The following PIGP variants were observed in gnomAD, a reference collection of about 807,000 sequenced individuals.
The protein encoded by PIGP is phosphatidylinositol glycan anchor biosynthesis class P.
PIGP carries 12 observed loss-of-function variants against 16.9 expected under a neutral mutation model. The observed-to-expected ratio is 0.71, with a 90% CI of 0.46 to 1.15. The LOEUF (loss-of-function observed/expected upper bound fraction) is 1.15. Among genes scored for constraint, PIGP ranks in the 50% most tolerant of loss-of-function variants. The pLI, the probability that PIGP is intolerant of heterozygous loss-of-function variation, is 0.00. For synonymous variants in PIGP, 57 were observed against 54.7 expected (o/e 1.04, Z -0.18); for missense variants, 159 against 153.5 (o/e 1.04, Z -0.19).
rs11553684 is a variant in PIGP at position 37,065,618 on chromosome 21, G to A, written c.369C>T (p.Phe123=). The part of the protein sequence containing the change: ...DISISEVNQM[F]FLAAKELYTK... The stretch of plus-strand genomic sequence containing the variant: ...TGTAAAGTTCTTTGGCTGCAAGAAA[G>A]AACATTTGGTTTACTTCACTAATAG... The change falls in exon 5 of 5, where the codon TTC becomes TTT. Residue 123 remains phenylalanine, a synonymous_variant. Transcript: ENST00000360525. 2.0e-3 allele frequency: 3,187 copies of A among 1,613,284 alleles called. 50 individuals carry two copies. Among genetic ancestry groups the A allele is most frequent in the East Asian group, 0.014 (606 of 44,754 alleles).
At chr21:37,072,346 T>G in intron 2 of PIGP, 88 bp downstream of exon 2, 1 of 1,597,896 alleles carries the variant, frequency 6.3e-7, no homozygotes, top group Non-Finnish European at 8.5e-7. Context: ...AATCAACAGT[T>G]CATGTGTGCA....
Position 37,071,354 on chromosome 21 carries a change from G to A in PIGP, c.82+1080C>T, listed in dbSNP as rs202089433. On this transcript the variant is annotated intron_variant, in intron 2 of 4. Coordinates refer to ENST00000360525, the MANE Select transcript of PIGP (RefSeq NM_153682.3). ...CTTGAGCAAGTTACTGAAACCACAGGATGCTCATCTTTAAAGGACAGTAAT... is the reference window on the plus strand; with the variant it reads ...CTTGAGCAAGTTACTGAAACCACAGAATGCTCATCTTTAAAGGACAGTAAT... Among the ~76,000 whole-genome samples, 5 of 152,300 alleles carry A rather than the reference G, an allele frequency of 3.3e-5. No individual in the cohort carries two copies. In the East Asian group the frequency reaches 9.6e-4, roughly 29 times the overall value.
At chr21:37,072,817 G>C in intron 1 of PIGP, 183 bp downstream of exon 1, 1 of 532,786 alleles carries the variant, frequency 1.9e-6, no homozygotes, top group Non-Finnish European at 3.3e-6. Context: ...TGGGAGGGGA[G>C]GGCAGGGAAC....
rs542976547 is a variant in PIGP at position 37,067,135 on chromosome 21, T to C, written c.274+127A>G. On this transcript the variant is annotated intron_variant, in intron 4 of 4. Transcript: ENST00000360525. ...GATTCTCCTGCCTCAGCCTCCCAAG[T>C]AGCTGGGATTACAGACGCGCACCAC... is the stretch of plus-strand genomic sequence containing the variant. 52 of 639,584 alleles carry C rather than the reference T, an allele frequency of 8.1e-5. 2 individuals carry two copies. The South Asian group carries it at 8.4e-4, about 10-fold the overall frequency. 39.6% of individuals were successfully genotyped at this position (639,584 alleles called of 1,614,324 possible). A position where few individuals can be genotyped will look rare whatever the true frequency, so the allele number is the denominator to read the frequency against.
At chr21:37,072,647 T>TCCCGCGCCTCCGTCCGCAA (rs1173945281) in intron 1 of PIGP, 110 bp from the exon 2 acceptor site, 26 of 1,572,700 alleles carry the variant, frequency 1.7e-5, no homozygotes, top group Admixed American at 3.4e-5. Flanking sequence ...CAGAACCGCC[T>TCCCGCGCCTCCGTCCGCAA]CCCGCGCCTC....
chr21:37,067,352 G>A lies in PIGP; in HGVS notation c.184C>T (p.Leu62Phe), dbSNP rs2069924027. ...KYWAVALPVY[L>F]LIAIVIGYVL... ...TAGCCAATTACTATAGCAATAAGGA[G>A]GTAGACAGGTAATGCAACTGCCCAA... is the stretch of plus-strand genomic sequence containing the variant. The change falls in exon 4 of 5, where the codon CTC becomes TTC. Residue 62 changes from leucine (L) to phenylalanine (F), a missense_variant. Coordinates refer to ENST00000360525, the MANE Select transcript of PIGP (RefSeq NM_153682.3). The A allele has an allele frequency of 1.2e-6, 2 of 1,607,188 alleles. No individual in the cohort carries two copies. The highest frequency in any genetic ancestry group is 3.3e-5 in the Admixed American group (2 of 59,986).
rs76681829 is a variant in PIGP, at chr21:37,065,749, C to G, written c.275-37G>C. ...GACCAAAAAGCTCTGTTTACCTAAG[C>G]AATTTCTTCTACAGTCTCTGTGTCT... On this transcript the variant is annotated intron_variant, in intron 4 of 4. Coordinates refer to ENST00000360525, the MANE Select transcript of PIGP (RefSeq NM_153682.3). 148 of 1,600,268 alleles carry G rather than the reference C, an allele frequency of 9.2e-5. 1 individual carries two copies. The East Asian group carries it at 3.3e-3, about 35-fold the overall frequency.
In PIGP at chr21:37,065,696, AT is replaced by A. The variant is rs759209452; in HGVS notation, c.290del (p.Asn97IlefsTer15). 2 of 1,612,912 alleles carry A rather than the reference AT, an allele frequency of 1.2e-6. No homozygotes were observed. The highest frequency in any genetic ancestry group is 3.3e-5 in the Admixed American group (2 of 59,828). On this transcript the variant is annotated frameshift_variant, in exon 5 of 5. Coordinates refer to ENST00000360525, the MANE Select transcript of PIGP (RefSeq NM_153682.3). LOFTEE classifies it high-confidence loss of function. The part of the protein sequence containing the change: ...IHTITDNYAK[N>X]QQQKKYQEEA... ...CCTCTTGGTATTTCTTCTGCTGTTG[AT>A]TTTTTGCATAGTTATCTGTAAGAAA...
chr21:37,067,649 G>A (rs1269558564), intron 3 of PIGP, among the ~76,000 whole-genome samples: 2 of 152,064 alleles, frequency 1.3e-5, no homozygotes, highest in Non-Finnish European at 2.9e-5. Flanking sequence ...TACAAAACAT[G>A]CTCATATTAC....
intron 4 of PIGP, 57 bp downstream of exon 4, chr21:37,067,205 A>T (rs2069920000): frequency 1.0e-6 from 1 of 990,212 alleles, no homozygotes; most frequent in African/African-American, 1.6e-5. Context: ...TTCTGGGTAA[A>T]AGTGCTAATA....
chr21:37,065,594 G>T lies in PIGP; in HGVS notation c.393C>A (p.Tyr131Ter). The change falls in exon 5 of 5, where the codon TAC (tyrosine) becomes TAA (stop). Residue 131 changes from tyrosine (Y) to a stop codon, truncating the protein, a stop_gained. Coordinates refer to ENST00000360525, the MANE Select transcript of PIGP (RefSeq NM_153682.3). LOFTEE classifies it high-confidence loss of function. Reference sequence around the variant, plus strand: ...GGTTACACACAGTTCAGTTTTTGGTGTAAAGTTCTTTGGCTGCAAGAAAGA... The same window carrying T: ...GGTTACACACAGTTCAGTTTTTGGTTTAAAGTTCTTTGGCTGCAAGAAAGA... ...QMFFLAAKEL[Y>*]TKN The T allele has an allele frequency of 6.2e-7, 1 of 1,612,664 alleles. No homozygotes were observed. The highest frequency in any genetic ancestry group is 8.5e-7 in the Non-Finnish European group (1 of 1,179,456).
intron 1 of PIGP, 195 bp downstream of exon 1, chr21:37,072,805 T>C: frequency 1.8e-6 from 1 of 541,544 alleles, no homozygotes; most frequent in Non-Finnish European, 3.3e-6. Context: ...GTGGCCTCCC[T>C]GTGGGAGGGG....
At position 37,067,431 on chromosome 21, in the gene PIGP, A is replaced by T. The variant is rs374649486; in HGVS notation, c.156-51T>A. 5.4e-4 allele frequency: 563 copies of T among 1,038,306 alleles called. 2 individuals are homozygous for T. The African/African-American group carries it at 8.4e-3, about 15-fold the overall frequency. The allele number at this position is 1,038,306 out of a possible 1,614,324, so 64.3% of individuals were successfully genotyped here. ...TAATAGACACTTTAAAAAAGTTGTA[A>T]TTCTCAAGAGTCGGTCACAAAGCCA... is the stretch of plus-strand genomic sequence containing the variant. On this transcript the variant is annotated intron_variant, in intron 3 of 4. Coordinates refer to ENST00000360525, the MANE Select transcript of PIGP (RefSeq NM_153682.3).
At chr21:37,066,292 A>G (rs2069902184) in intron 4 of PIGP, among the ~76,000 whole-genome samples, 1 of 152,184 alleles carries the variant, frequency 6.6e-6, no homozygotes, top group South Asian at 2.1e-4. Context: ...TGGCAAAACT[A>G]TTAAATCATT....
At chr21:37,067,408 A>T in intron 3 of PIGP, 28 bp from the exon 4 acceptor site, 1 of 1,217,472 alleles carries the variant, frequency 8.2e-7, no homozygotes, top group Non-Finnish European at 1.2e-6. Flanking sequence ...AAAGTACATA[A>T]TAGACACTTT....
At chr21:37,071,660 CT>C (rs2070045422) in intron 2 of PIGP, among the ~76,000 whole-genome samples, 1 of 152,212 alleles carries the variant, frequency 6.6e-6, no homozygotes. Flanking sequence ...CACTCCTCCA[CT>C]TTCCTGGTTT....
intron 3 of PIGP, among the ~76,000 whole-genome samples, chr21:37,068,009 TG>T (rs1394838936): frequency 1.4e-3 from 2 of 1,432 alleles, no homozygotes; most frequent in Non-Finnish European, 1.6e-3. Context: ...TTTCATTGAG[TG>T]TTTTTTTTTT....
chr21:37,071,544 A>C (rs543022648), intron 2 of PIGP, among the ~76,000 whole-genome samples: 2 of 152,170 alleles, frequency 1.3e-5, no homozygotes, highest in Non-Finnish European at 2.9e-5. Context: ...CTCAGTTGTA[A>C]CTTCTTCACT....
chr21:37,069,792 A>G (rs1211585213), intron 2 of PIGP, among the ~76,000 whole-genome samples, 168 bp from the exon 3 acceptor site: 1 of 152,152 alleles, frequency 6.6e-6, no homozygotes, highest in Non-Finnish European at 1.5e-5. Flanking sequence ...CGTTTGCACA[A>G]TTCTTATAAT....
Sources: gnomAD v4.1 joint callset for allele counts (sites outside exome capture counted in the v4.1 genomes callset) on GRCh38, gnomAD v4.1.1 for gene constraint, MANE v1.5 for transcripts, NCBI Gene and HGNC (gene_info 2026-07-23, HGNC 2026-07-21) for gene names.